The following ELAPOR2 variants were observed in gnomAD, a reference collection of about 807,000 sequenced individuals.
The protein encoded by ELAPOR2 is endosome/lysosome-associated apoptosis and autophagy regulator family member 2.
ELAPOR2 carries 89 observed loss-of-function variants against 120.7 expected under a neutral mutation model. The observed-to-expected ratio is 0.74, with a 90% CI of 0.62 to 0.88. ELAPOR2 has a LOEUF of 0.88. ELAPOR2 is among the 40% of genes least tolerant of loss of function. The pLI, the probability that ELAPOR2 is intolerant of heterozygous loss-of-function variation, is 0.00. For missense variants in ELAPOR2, 1,134 were observed against 1,251.6 expected, an observed-to-expected ratio of 0.91 and a Z score of 1.42; for synonymous variants, 444 against 444.9, an observed-to-expected ratio of 1.00 and a Z score of 0.03.
Position 86,944,887 on chromosome 7 carries a change from A to G in ELAPOR2, c.654+12T>C. On this transcript the variant is annotated intron_variant, in intron 4 of 21. Transcript: ENST00000450689. Reference sequence around the variant, plus strand: ...CCTTAAAAAGTAAATTCCAGAATACAAAAGGTCTTACAAAGAACTCAAAGA... The same window carrying G: ...CCTTAAAAAGTAAATTCCAGAATACGAAAGGTCTTACAAAGAACTCAAAGA... The G allele has an allele frequency of 1.3e-6, 2 of 1,531,026 alleles. No homozygotes were observed. Among genetic ancestry groups the G allele is most frequent in the Non-Finnish European group, 1.8e-6 (2 of 1,140,982 alleles). The allele number at this position is 1,531,026 out of a possible 1,614,324, so 94.8% of individuals were successfully genotyped here. A position where few individuals can be genotyped will look rare whatever the true frequency, so the allele number is the denominator to read the frequency against.
At position 86,989,323 on chromosome 7, in the gene ELAPOR2, G is replaced by A. The variant is rs576791637; in HGVS notation, c.190-24299C>T. ...AAAATACGTGCATATTTAGAGATTA[G>A]AGATTCTTGCACATTGGCTTTTGTC... On this transcript the variant is annotated intron_variant, in intron 1 of 21. Coordinates refer to ENST00000450689, the MANE Select transcript of ELAPOR2 (RefSeq NM_001142749.3). Among the ~76,000 whole-genome samples, 3 of 152,324 alleles carry A rather than the reference G, an allele frequency of 2.0e-5. No individual in the cohort carries two copies. In the South Asian group the frequency reaches 6.2e-4, roughly 32 times the overall value.
chr7:86,944,957 G>T lies in ELAPOR2; in HGVS notation c.596C>A (p.Ser199Ter). 6.4e-7 allele frequency: 1 copy of T among 1,550,800 alleles called. No homozygotes were observed. Among genetic ancestry groups the T allele is most frequent in the Non-Finnish European group, 8.7e-7 (1 of 1,146,542 alleles). The change falls in exon 4 of 22, where the codon TCA becomes TAA. Residue 199 changes from serine (S) to a stop codon, truncating the protein, a stop_gained. Coordinates refer to ENST00000450689, the MANE Select transcript of ELAPOR2 (RefSeq NM_001142749.3). LOFTEE classifies it high-confidence loss of function. The part of the protein sequence containing the change: ...SLIYAVHLKK[S>*]GYVFFEYQYV... ...CTGGTACTCAAAGAAGACATAGCCT[G>T]ACTTCTTAAGGTGCACAGCATAGAT...
chr7:86,996,388 C>T (rs1634998), intron 1 of ELAPOR2, among the ~76,000 whole-genome samples: 57,453 of 151,746 alleles, frequency 0.38, 11,724 homozygotes, highest in African/African-American at 0.53. Flanking sequence ...AGAGCATTCC[C>T]GGCAGAGGGG....
rs748229481 is a variant in ELAPOR2 at position 86,891,870 on chromosome 7, T to C, written c.2884A>G (p.Lys962Glu). 5 of 1,604,392 alleles carry C rather than the reference T, an allele frequency of 3.1e-6. No individual in the cohort carries two copies. Among genetic ancestry groups the C allele is most frequent in the Non-Finnish European group, 3.4e-6 (4 of 1,173,864 alleles). ...TTTGAGTTAGTCGTCATTACTAACT[T>C]GGAATATTTGTATTCCAGTCTAAAT... Reference protein sequence around the residue: ...KNQKLEYKYSKLVMTTNSKEC... With the variant: ...KNQKLEYKYSELVMTTNSKEC... The change falls in exon 21 of 22, where the codon AAG (lysine) becomes GAG (glutamate). Residue 962 changes from lysine (K) to glutamate (E), a missense_variant. Coordinates refer to ENST00000450689, the MANE Select transcript of ELAPOR2 (RefSeq NM_001142749.3).
rs759459369 is a variant in ELAPOR2 at position 86,891,908 on chromosome 7, A to G, written c.2865-19T>C. ...TTCCAGTCTAAATAGTGATAAAATAAATAAACAAATAAGTATCCATTTATG... is the reference window on the plus strand; with the variant it reads ...TTCCAGTCTAAATAGTGATAAAATAGATAAACAAATAAGTATCCATTTATG... On this transcript the variant is annotated intron_variant, in intron 20 of 21. Transcript: ENST00000450689. 8.4e-6 allele frequency: 12 copies of G among 1,433,470 alleles called. No individual in the cohort carries two copies. The African/African-American group carries it at 1.4e-4, about 17-fold the overall frequency. 88.8% of individuals were successfully genotyped at this position (1,433,470 alleles called of 1,614,324 possible).
intron 1 of ELAPOR2, among the ~76,000 whole-genome samples, chr7:87,029,041 T>C (rs551245148): frequency 2.1e-4 from 32 of 152,312 alleles, no homozygotes; most frequent in African/African-American, 7.5e-4. Flanking sequence ...CAAAGCCCTT[T>C]TCTGACTTTT....
At chr7:87,041,634 C>A (rs967271107) in intron 1 of ELAPOR2, among the ~76,000 whole-genome samples, 7 of 152,026 alleles carry the variant, frequency 4.6e-5, no homozygotes, top group Non-Finnish European at 1.0e-4. Flanking sequence ...AAAGGAACAA[C>A]TGGTACCAGC....
chr7:86,977,174 A>T (rs955764437), intron 1 of ELAPOR2, among the ~76,000 whole-genome samples: 10 of 152,218 alleles, frequency 6.6e-5, no homozygotes, highest in Non-Finnish European at 1.2e-4. Context: ...ACAATATCTT[A>T]GTGCTGTCGA....
In ELAPOR2 at chr7:86,973,727, A is replaced by C. The variant is rs1034702231; in HGVS notation, c.190-8703T>G. ...CTTTTAGGCAGGTAATTTCAAAGTCATGTTAGCAGAGTATGATAAAAAGAA... is the reference window on the plus strand; with the variant it reads ...CTTTTAGGCAGGTAATTTCAAAGTCCTGTTAGCAGAGTATGATAAAAAGAA... On this transcript the variant is annotated intron_variant, in intron 1 of 21. Coordinates refer to ENST00000450689, the MANE Select transcript of ELAPOR2 (RefSeq NM_001142749.3). Among the ~76,000 whole-genome samples the C allele has an allele frequency of 3.9e-5, 6 of 152,164 alleles. No homozygotes were observed. In the South Asian group the frequency reaches 1.0e-3, roughly 26 times the overall value.
intron 1 of ELAPOR2, among the ~76,000 whole-genome samples, chr7:87,040,149 A>C (rs945710638): frequency 1.3e-5 from 2 of 152,244 alleles, no homozygotes; most frequent in African/African-American, 4.8e-5. Flanking sequence ...GATTGCTAGC[A>C]CAGCAGTCTG....
At chr7:87,055,282 GA>G (rs1053461431) in intron 1 of ELAPOR2, among the ~76,000 whole-genome samples, 1 of 152,098 alleles carries the variant, frequency 6.6e-6, no homozygotes, top group Non-Finnish European at 1.5e-5. Flanking sequence ...AATCAAGTTA[GA>G]ACATTTCATT....
chr7:87,023,169 G>A (rs1379608659), intron 1 of ELAPOR2, among the ~76,000 whole-genome samples: 1 of 152,134 alleles, frequency 6.6e-6, no homozygotes, highest in Non-Finnish European at 1.5e-5. Flanking sequence ...TATTGCCTAG[G>A]TTTTCTTCTA....
chr7:86,920,627 G>A (rs2116179538), intron 10 of ELAPOR2: 1 of 152,244 alleles, frequency 6.6e-6, no homozygotes, highest in East Asian at 1.9e-4. Flanking sequence ...ACCCTCGCAG[G>A]AGGAAACAAA....
rs540353736 is a variant in ELAPOR2, at chr7:87,023,447, A to G, written c.189+35878T>C. Among the ~76,000 whole-genome samples the G allele has an allele frequency of 1.3e-4, 20 of 152,224 alleles. No individual in the cohort carries two copies. The East Asian group carries it at 3.7e-3, about 28-fold the overall frequency. On this transcript the variant is annotated intron_variant, in intron 1 of 21. Coordinates refer to ENST00000450689, the MANE Select transcript of ELAPOR2 (RefSeq NM_001142749.3). ...ATATCTCTGTTTTGGTACCAGTACC[A>G]TGCTGTTTTGGTTACTGTAGCCTTC...
chr7:87,033,744 T>G (rs529452954), intron 1 of ELAPOR2, among the ~76,000 whole-genome samples: 12 of 152,118 alleles, frequency 7.9e-5, no homozygotes, highest in Middle Eastern at 3.4e-3. Flanking sequence ...TGCCACCATA[T>G]AAAACTATAT....
At chr7:86,939,123 G>T (rs1051151577) in intron 6 of ELAPOR2, among the ~76,000 whole-genome samples, 163 bp from the exon 7 acceptor site, 2 of 152,032 alleles carry the variant, frequency 1.3e-5, no homozygotes, top group African/African-American at 4.8e-5. Context: ...CATTTATTGT[G>T]TACAAGGAAC....
intron 1 of ELAPOR2, among the ~76,000 whole-genome samples, chr7:87,034,140 A>T (rs1476974326): frequency 2.6e-5 from 4 of 152,200 alleles, no homozygotes; most frequent in Admixed American, 2.6e-4. Context: ...CTGATAATGA[A>T]ATACATGCAA....
intron 1 of ELAPOR2, among the ~76,000 whole-genome samples, chr7:87,048,660 G>A (rs913965055): frequency 1.3e-5 from 2 of 152,136 alleles, no homozygotes; most frequent in South Asian, 2.1e-4. Flanking sequence ...AAGGATAAAC[G>A]CTTGAGGGGA....
chr7:87,054,929 A>G (rs1457202694), intron 1 of ELAPOR2, among the ~76,000 whole-genome samples: 1 of 152,130 alleles, frequency 6.6e-6, no homozygotes, highest in East Asian at 1.9e-4. Flanking sequence ...CCACAACTCC[A>G]CACTCACATT....
Sources: gnomAD v4.1 joint callset for allele counts (sites outside exome capture counted in the v4.1 genomes callset) on GRCh38, gnomAD v4.1.1 for gene constraint, MANE v1.5 for transcripts, NCBI Gene and HGNC (gene_info 2026-07-23, HGNC 2026-07-21) for gene names.